The following CNTNAP2 variants were observed in gnomAD, a reference collection of about 807,000 sequenced individuals.
The protein encoded by CNTNAP2 is contactin-associated protein-like 2.
Under a neutral mutation model 155.2 loss-of-function variants are expected in CNTNAP2, and 98 were observed. The ratio of observed to expected loss-of-function variants is 0.63; its 90% CI spans 0.54 to 0.75. CNTNAP2 has a LOEUF of 0.75. Among genes scored for constraint, CNTNAP2 ranks in the 30% least tolerant of loss-of-function variants. The pLI, the probability that CNTNAP2 is intolerant of heterozygous loss-of-function variation, is 0.00. For missense variants in CNTNAP2, 1,727 were observed against 1,688.1 expected (o/e 1.02, Z -0.40); for synonymous variants, 651 against 631.2 (o/e 1.03, Z -0.47).
intron 3 of CNTNAP2, among the ~76,000 whole-genome samples, chr7:146,891,964 T>G (rs1459642576): frequency 1.3e-5 from 2 of 152,220 alleles, no homozygotes; most frequent in African/African-American, 4.8e-5. Context: ...ATTAATGTTT[T>G]GGCCAACATA....
chr7:147,646,034 T>A (rs1156905570), intron 13 of CNTNAP2, among the ~76,000 whole-genome samples: 1 of 151,884 alleles, frequency 6.6e-6, no homozygotes, highest in Non-Finnish European at 1.5e-5. Context: ...GATACTGGAG[T>A]GGAGGAAGCA....
At chr7:148,230,660 A>G (rs1433204941) in intron 20 of CNTNAP2, among the ~76,000 whole-genome samples, 1 of 152,196 alleles carries the variant, frequency 6.6e-6, no homozygotes, top group African/African-American at 2.4e-5. Flanking sequence ...TCTTTTGAGC[A>G]CTGGTGGATG....
At chr7:147,207,959 CA>C (rs1803055298) in intron 8 of CNTNAP2, among the ~76,000 whole-genome samples, 1 of 152,126 alleles carries the variant, frequency 6.6e-6, no homozygotes. Context: ...CATCTGTAAT[CA>C]TCTTTGTACT....
chr7:146,961,284 G>A (rs887519744), intron 3 of CNTNAP2, among the ~76,000 whole-genome samples: 2 of 152,074 alleles, frequency 1.3e-5, no homozygotes, highest in South Asian at 2.1e-4. Flanking sequence ...GACTGCTTCC[G>A]GGGCAGGTCC....
intron 14 of CNTNAP2, among the ~76,000 whole-genome samples, chr7:147,945,852 CT>C (rs979428228): frequency 1.6e-4 from 23 of 143,612 alleles, no homozygotes; most frequent in African/African-American, 5.6e-4. Flanking sequence ...CTTTTCTTTT[CT>C]TTTTTTTTCT....
chr7:146,575,300 A>G (rs12113697), intron 1 of CNTNAP2, among the ~76,000 whole-genome samples: 118,533 of 151,982 alleles, frequency 0.78, 46,843 homozygotes, highest in South Asian at 0.9. Context: ...TATTCTTAGT[A>G]GAGACAGGGT....
chr7:146,588,068 A>G (rs955380217), intron 1 of CNTNAP2, among the ~76,000 whole-genome samples: 1 of 151,972 alleles, frequency 6.6e-6, no homozygotes. Context: ...GATGCTTTAC[A>G]TTAAGCCTGC....
intron 1 of CNTNAP2, among the ~76,000 whole-genome samples, chr7:146,649,963 G>T (rs1292785049): frequency 6.6e-6 from 1 of 152,110 alleles, no homozygotes; most frequent in Non-Finnish European, 1.5e-5. Flanking sequence ...CCACAGTGGG[G>T]TACCATCTCA....
In CNTNAP2 at chr7:148,172,227, T is replaced by G. The variant is rs769854164; in HGVS notation, c.2774-15T>G. 4 of 1,612,784 alleles carry G rather than the reference T, an allele frequency of 2.5e-6. No homozygotes were observed. The highest frequency in any genetic ancestry group is 2.2e-5 in the South Asian group (2 of 91,058). On this transcript the variant is annotated splice_polypyrimidine_tract_variant and intron_variant, in intron 17 of 23. Transcript: ENST00000361727. ...GGTTATTCCCTCTGAACTCTGTGCC[T>G]TCTGTCATTCCCAGGTGGTGCTGGG... is the stretch of plus-strand genomic sequence containing the variant.
At chr7:148,145,826 T>C (rs188861187) in intron 16 of CNTNAP2, among the ~76,000 whole-genome samples, 40 of 152,310 alleles carry the variant, frequency 2.6e-4, no homozygotes, top group Non-Finnish European at 5.1e-4. Context: ...CCAGTCCCAA[T>C]GACCCCTGGA....
At chr7:146,960,505 T>C (rs1250640364) in intron 3 of CNTNAP2, among the ~76,000 whole-genome samples, 1 of 152,194 alleles carries the variant, frequency 6.6e-6, no homozygotes, top group East Asian at 1.9e-4. Flanking sequence ...ATTTGAAATA[T>C]GATGTGGCAT....
intron 1 of CNTNAP2, among the ~76,000 whole-genome samples, chr7:146,231,139 A>G (rs1314224111): frequency 6.6e-6 from 1 of 152,196 alleles, no homozygotes; most frequent in Admixed American, 6.5e-5. Context: ...TTTAAGCTCT[A>G]TGATTGCAGG....
chr7:146,486,535 T>C (rs1797061964), intron 1 of CNTNAP2, among the ~76,000 whole-genome samples: 1 of 152,184 alleles, frequency 6.6e-6, no homozygotes, highest in Non-Finnish European at 1.5e-5. Flanking sequence ...GTGGGATTGG[T>C]TCTGGCTGCT....
At chr7:146,550,619 C>T (rs937590282) in intron 1 of CNTNAP2, among the ~76,000 whole-genome samples, 2 of 151,804 alleles carry the variant, frequency 1.3e-5, no homozygotes, top group Admixed American at 1.3e-4. Context: ...TGTATTATGA[C>T]TATAGCTTGT....
chr7:148,349,462 C>T (rs1011761707), intron 21 of CNTNAP2, among the ~76,000 whole-genome samples: 2 of 144,518 alleles, frequency 1.4e-5, no homozygotes, highest in African/African-American at 5.2e-5. Flanking sequence ...AGTGCAGTGG[C>T]GCTATCTCGG....
At chr7:147,701,720 G>A (rs919287775) in intron 13 of CNTNAP2, among the ~76,000 whole-genome samples, 4 of 152,120 alleles carry the variant, frequency 2.6e-5, no homozygotes, top group Non-Finnish European at 5.9e-5. Context: ...GGAGTTGTAA[G>A]TTCTCCCAAC....
At chr7:146,418,088 CT>C (rs1795962575) in intron 1 of CNTNAP2, among the ~76,000 whole-genome samples, 1 of 152,172 alleles carries the variant, frequency 6.6e-6, no homozygotes, top group Admixed American at 6.6e-5. Context: ...CCATTTTTCA[CT>C]GTCATTTAAC....
chr7:146,970,945 G>A (rs1797779711), intron 3 of CNTNAP2, among the ~76,000 whole-genome samples: 1 of 152,038 alleles, frequency 6.6e-6, no homozygotes, highest in Non-Finnish European at 1.5e-5. Context: ...ATCATTCTCG[G>A]TAAACTATAG....
chr7:148,315,310 C>T (rs558888387), intron 21 of CNTNAP2, among the ~76,000 whole-genome samples: 1 of 151,828 alleles, frequency 6.6e-6, no homozygotes, highest in African/African-American at 2.4e-5. Context: ...AGAGAGTCAG[C>T]AAAGGGAGAT....
Sources: gnomAD v4.1 joint callset for allele counts (sites outside exome capture counted in the v4.1 genomes callset) on GRCh38, gnomAD v4.1.1 for gene constraint, MANE v1.5 for transcripts, NCBI Gene and HGNC (gene_info 2026-07-23, HGNC 2026-07-21) for gene names.